Variants in KHDRBS2 observed in about 807,000 individuals in gnomAD.
KHDRBS2 encodes KH domain-containing, RNA-binding, signal transduction-associated protein 2.
A neutral mutation model predicts 44.3 loss-of-function variants in KHDRBS2; 26 were observed. That is an observed-to-expected ratio of 0.59 (90% confidence interval 0.43 to 0.81). The LOEUF is 0.81. Among genes scored for constraint, KHDRBS2 ranks in the 40% least tolerant of loss-of-function variants. The pLI is 0.00. For missense variants in KHDRBS2, 476 were observed against 433.1 expected, an observed-to-expected ratio of 1.10 and a Z score of -0.88; for synonymous variants, 194 against 151.1, an observed-to-expected ratio of 1.28 and a Z score of -2.08.
intron 2 of KHDRBS2, among the ~76,000 whole-genome samples, chr6:62,113,423 T>A (rs1805484934): frequency 6.6e-6 from 1 of 152,138 alleles, no homozygotes; most frequent in Admixed American, 6.6e-5. Flanking sequence ...AGTGTTAATT[T>A]GGAGAAATCA....
In KHDRBS2 at chr6:61,852,413, A is replaced by T. The variant is rs577624957; in HGVS notation, c.810+42222T>A. ...ACCCCATCTCTACTAAAAATACAAA[A>T]ATTAGCTGGGTGTGGTGGCTTATGC... On this transcript the variant is annotated intron_variant, in intron 6 of 8. Transcript: ENST00000281156. Among the ~76,000 whole-genome samples, 30 of 151,670 alleles carry T rather than the reference A, an allele frequency of 2.0e-4. No individual in the cohort carries two copies. The South Asian group carries it at 4.2e-3, about 21-fold the overall frequency.
Position 61,681,009 on chromosome 6 carries a change from C to G in KHDRBS2, c.1004G>C (p.Arg335Thr). The G allele has an allele frequency of 6.2e-7, 1 of 1,611,904 alleles. No individual in the cohort carries two copies. The highest frequency in any genetic ancestry group is 1.1e-5 in the South Asian group (1 of 91,018). ...TRSSLKAPPQ[R>T]SARGGYREHP... Reference sequence around the variant, plus strand: ...TTCCCTGTATCCCCCTCTGGCTGACCTTTGCGGTGGTGCCTTCAAGCTAGA... The same window carrying G: ...TTCCCTGTATCCCCCTCTGGCTGACGTTTGCGGTGGTGCCTTCAAGCTAGA... The change falls in exon 9 of 9, where the codon AGG becomes ACG. Residue 335 changes from arginine to threonine, a missense_variant. Arg to Thr is a moderately conservative substitution (Grantham distance 71, BLOSUM62 -1). Transcript: ENST00000281156.
At chr6:62,248,843 T>TAC (rs1344824862) in intron 1 of KHDRBS2, among the ~76,000 whole-genome samples, 1 of 151,666 alleles carries the variant, frequency 6.6e-6, no homozygotes, top group African/African-American at 2.4e-5. Context: ...GCAAGACAAC[T>TAC]ACAGGGTAAG....
chr6:61,674,375 T>C, the KHDRBS2 span, among the ~76,000 whole-genome samples: 1 of 151,828 alleles, frequency 6.6e-6, no homozygotes, highest in Non-Finnish European at 1.5e-5. Context: ...AACTCCACAG[T>C]ATTTTGGAAA....
At chr6:61,818,524 G>A (rs1486011199) in intron 6 of KHDRBS2, among the ~76,000 whole-genome samples, 2 of 152,008 alleles carry the variant, frequency 1.3e-5, no homozygotes, top group South Asian at 2.1e-4. Flanking sequence ...TACTGGGTCT[G>A]GGCTAGAGTG....
the KHDRBS2 span, among the ~76,000 whole-genome samples, chr6:61,673,944 C>CA: frequency 1.3e-5 from 2 of 151,344 alleles, no homozygotes; most frequent in South Asian, 4.2e-4. Flanking sequence ...CATATGGAAC[C>CA]AAAAAAGAGC....
At chr6:61,837,589 G>T (rs1792904723) in intron 6 of KHDRBS2, among the ~76,000 whole-genome samples, 1 of 151,956 alleles carries the variant, frequency 6.6e-6, no homozygotes, top group African/African-American at 2.4e-5. Context: ...ATAATGGGTG[G>T]AAATAGGTGA....
At chr6:62,076,204 C>T (rs541381848) in intron 2 of KHDRBS2, among the ~76,000 whole-genome samples, 3 of 152,032 alleles carry the variant, frequency 2.0e-5, no homozygotes, top group South Asian at 2.1e-4. Context: ...GATTAAAACA[C>T]TATATTGCAT....
chr6:62,159,555 A>ACTT (rs1817182250), intron 2 of KHDRBS2, among the ~76,000 whole-genome samples: 4 of 152,130 alleles, frequency 2.6e-5, no homozygotes, highest in Admixed American at 2.6e-4. Flanking sequence ...AAGAGACTAC[A>ACTT]TAATTAAAGT....
At chr6:62,246,879 T>A (rs1205229907) in intron 1 of KHDRBS2, among the ~76,000 whole-genome samples, 1 of 152,010 alleles carries the variant, frequency 6.6e-6, no homozygotes, top group East Asian at 1.9e-4. Context: ...AGTAGTAACA[T>A]TGAATAATTA....
At chr6:62,124,918 TTAA>T (rs1164496216) in intron 2 of KHDRBS2, among the ~76,000 whole-genome samples, 9 of 152,344 alleles carry the variant, frequency 5.9e-5, no homozygotes, top group Middle Eastern at 3.4e-3. Flanking sequence ...TTTTGAGTTG[TTAA>T]TAATAGCTAT....
chr6:62,213,218 A>AT (rs1214353733), intron 1 of KHDRBS2, among the ~76,000 whole-genome samples: 1 of 152,086 alleles, frequency 6.6e-6, no homozygotes, highest in Non-Finnish European at 1.5e-5. Flanking sequence ...CAGTTTCAAT[A>AT]TTTTTTTGCC....
At chr6:61,753,238 A>G (rs185118835) in intron 6 of KHDRBS2, among the ~76,000 whole-genome samples, 6 of 152,110 alleles carry the variant, frequency 3.9e-5, no homozygotes, top group African/African-American at 1.4e-4. Flanking sequence ...TCCACTCAGC[A>G]GAAAACACAG....
intron 6 of KHDRBS2, among the ~76,000 whole-genome samples, chr6:61,785,988 TC>T (rs1240585320): frequency 6.6e-6 from 1 of 151,992 alleles, no homozygotes; most frequent in Non-Finnish European, 1.5e-5. Flanking sequence ...TAATATCAAA[TC>T]AAGACATATA....
At chr6:61,966,674 C>A (rs1770015178) in intron 4 of KHDRBS2, among the ~76,000 whole-genome samples, 1 of 151,988 alleles carries the variant, frequency 6.6e-6, no homozygotes, top group Admixed American at 6.6e-5. Context: ...TTCCACAGCA[C>A]CCCAAAACTA....
intron 6 of KHDRBS2, among the ~76,000 whole-genome samples, chr6:61,873,830 T>C (rs1410177058): frequency 1.3e-5 from 2 of 151,890 alleles, no homozygotes; most frequent in African/African-American, 4.8e-5. Context: ...AAATTAATCA[T>C]TAAGAGATAC....
At chr6:61,644,415 G>T in the KHDRBS2 span, among the ~76,000 whole-genome samples, 6 of 152,006 alleles carry the variant, frequency 3.9e-5, no homozygotes, top group Admixed American at 3.3e-4. Context: ...TCATGAAAAA[G>T]ACCCTAAAAG....
rs376094861 is a variant in KHDRBS2, at chr6:62,067,593, G to A, written c.220-19599C>T. 1.4e-4 allele frequency among the ~76,000 whole-genome samples: 21 copies of A among 151,468 alleles called. No individual in the cohort carries two copies. The East Asian group carries it at 2.5e-3, about 18-fold the overall frequency. ...ACATATTTATTGATATATAGTTTAC[G>A]TACCATAAAATTAGTTCATTAAAAG... On this transcript the variant is annotated intron_variant, in intron 2 of 8. Coordinates refer to ENST00000281156, the MANE Select transcript of KHDRBS2 (RefSeq NM_152688.4).
At chr6:61,859,383 C>T (rs1032765260) in intron 6 of KHDRBS2, among the ~76,000 whole-genome samples, 6 of 151,758 alleles carry the variant, frequency 4.0e-5, no homozygotes, top group Non-Finnish European at 7.4e-5. Context: ...TAGGGTGACA[C>T]ATTAGTGGGT....
Sources: allele counts gnomAD v4.1 joint callset (sites outside exome capture counted in the v4.1 genomes callset), GRCh38; gene constraint gnomAD v4.1.1; transcripts MANE v1.5; gene names NCBI Gene and HGNC (gene_info 2026-07-23, HGNC 2026-07-21).